RTN1: variants seen among roughly 807,000 people sequenced by gnomAD.
The protein encoded by RTN1 is reticulon 1, also known as reticulon-1.
A neutral mutation model predicts 65.5 loss-of-function variants in RTN1; 25 were observed. The observed-to-expected ratio is 0.38, with a 90% CI of 0.28 to 0.53. RTN1 has a LOEUF of 0.53. RTN1 is among the 20% of genes least tolerant of loss of function. The pLI is 0.79. For missense variants in RTN1, 983 were observed against 1,025.4 expected, an observed-to-expected ratio of 0.96 and a Z score of 0.57; for synonymous variants, 471 against 447.6, an observed-to-expected ratio of 1.05 and a Z score of -0.66.
rs757291850 is a variant in RTN1 at position 59,746,336 on chromosome 14, C to G, written c.387G>C (p.Lys129Asn). ...CTGAAATGGTGACGTGGCCATTTTC[C>G]TTCTGAAGAATTCCAGTAAAATATG... ...DSTYFTGILQ[K>N]ENGHVTISES... Residue 129 changes from lysine (K) to asparagine (N), a missense_variant, in exon 2 of 9, where the codon AAG (lysine) becomes AAC (asparagine). Lys to Asn is a moderately conservative substitution (Grantham distance 94). Around this residue, in one of 2 missense-constraint regions of RTN1, gnomAD observed 818 missense variants for 801.8 expected, o/e 1.02. Coordinates refer to ENST00000267484, the MANE Select transcript of RTN1 (RefSeq NM_021136.3). The G allele has an allele frequency of 3.1e-6, 5 of 1,614,162 alleles. No individual in the cohort carries two copies. Among genetic ancestry groups the G allele is most frequent in the Non-Finnish European group, 3.4e-6 (4 of 1,180,014 alleles).
rs1394512877 is a variant in RTN1 at position 59,868,202 on chromosome 14, T to A, written c.241+2188A>T. Among the ~76,000 whole-genome samples the A allele has an allele frequency of 6.6e-6, 1 of 152,170 alleles. No individual in the cohort carries two copies. The highest frequency in any genetic ancestry group is 1.5e-5 in the Non-Finnish European group (1 of 68,024). On this transcript the variant is annotated intron_variant, in intron 1 of 8. Transcript: ENST00000267484. The surrounding 1 kb of genome is among the most constrained non-coding windows in gnomAD (Gnocchi z 4.0). ...CGTTTGAGTCTCTTATAGCAGCACA[T>A]CCGGTCTACTTAATAAGAAACACAG...
At chr14:59,659,564 G>C (rs993916410) in intron 3 of RTN1, among the ~76,000 whole-genome samples, 5 of 152,328 alleles carry the variant, frequency 3.3e-5, no homozygotes, top group Admixed American at 6.5e-5. Context: ...CCACAAGCCA[G>C]AAGAGAGTGG....
intron 1 of RTN1, among the ~76,000 whole-genome samples, chr14:59,758,023 C>T (rs1217018701): frequency 6.6e-6 from 1 of 152,142 alleles, no homozygotes; most frequent in Non-Finnish European, 1.5e-5. Context: ...TTCCAGATTC[C>T]TGTGTTCTGC....
intron 3 of RTN1, among the ~76,000 whole-genome samples, chr14:59,667,988 T>C (rs1005675154): frequency 6.6e-6 from 1 of 152,160 alleles, no homozygotes; most frequent in Non-Finnish European, 1.5e-5. Flanking sequence ...TCCATGCTCA[T>C]GGATAGGAAG....
intron 3 of RTN1, among the ~76,000 whole-genome samples, chr14:59,617,426 A>G (rs187824266): frequency 4.3e-4 from 66 of 152,380 alleles, no homozygotes; most frequent in African/African-American, 1.4e-3. Context: ...ATCAAAGCCA[A>G]TTGAAAAAGC....
rs556897869 is a variant in RTN1, at chr14:59,640,973, C to T, written c.1766-33481G>A. Among the ~76,000 whole-genome samples, 15 of 152,160 alleles carry T rather than the reference C, an allele frequency of 9.9e-5. No homozygotes were observed. In the East Asian group the frequency reaches 2.9e-3, roughly 29 times the overall value. ...AGCTTATTTTCACTTTCCTTCCTTT[C>T]CTTCTGAGACAGGGTCTTGCCCTGT... On this transcript the variant is annotated intron_variant, in intron 3 of 8. Coordinates refer to ENST00000267484, the MANE Select transcript of RTN1 (RefSeq NM_021136.3).
At chr14:59,726,631 C>A (rs552594938) in intron 3 of RTN1, among the ~76,000 whole-genome samples, 2 of 152,230 alleles carry the variant, frequency 1.3e-5, no homozygotes, top group Non-Finnish European at 2.9e-5. Context: ...CAGGCGCATG[C>A]ACTCCATTTA....
rs1887887311 is a variant in RTN1, at chr14:59,870,674, G to C, written c.-44C>G. 2.3e-6 allele frequency: 3 copies of C among 1,322,186 alleles called. No individual in the cohort carries two copies. The highest frequency in any genetic ancestry group is 2.1e-5 in the South Asian group (1 of 47,576). The allele number at this position is 1,322,186 out of a possible 1,614,324, so 81.9% of individuals were successfully genotyped here. On this transcript the variant is annotated 5_prime_UTR_variant, in exon 1 of 9. Coordinates refer to ENST00000267484, the MANE Select transcript of RTN1 (RefSeq NM_021136.3). This position sits in a 1 kb window ranked among gnomAD's most constrained non-coding sequence, Gnocchi z 5.1. ...GCGGCGACGGCGGCTTGGCTGGGCA[G>C]AGGCTCGGTGGCTGCGCGGGCGCTC... is the stretch of plus-strand genomic sequence containing the variant.
rs201914035 is a variant in RTN1, at chr14:59,596,697, C to T, written c.*48G>A. The T allele has an allele frequency of 4.6e-5, 63 of 1,383,832 alleles. No individual in the cohort carries two copies. The East Asian group carries it at 1.2e-3, about 27-fold the overall frequency. The allele number at this position is 1,383,832 out of a possible 1,614,324, so 85.7% of individuals were successfully genotyped here. On this transcript the variant is annotated 3_prime_UTR_variant, in exon 9 of 9. Transcript: ENST00000267484. ...GTAATGAGTAAGAAGAGAGCTGTTA[C>T]CACTCCAGACATTCCTGTTTGTGTC...
Position 59,727,217 on chromosome 14 carries a change from C to T in RTN1, c.1467G>A (p.Pro489=), listed in dbSNP as rs753379321. 2.5e-6 allele frequency: 4 copies of T among 1,570,074 alleles called. No homozygotes were observed. Among genetic ancestry groups the T allele is most frequent in the South Asian group, 2.4e-5 (2 of 85,064 alleles). The change falls in exon 3 of 9, where the codon CCG becomes CCA. Residue 489 remains proline (P), a synonymous_variant. Transcript: ENST00000267484. The surrounding 1 kb of genome is among the most constrained non-coding windows in gnomAD (Gnocchi z 4.2). ...TGGCATCCAGGGCGCTGGGCTTCAT[C>T]GGGGGTGAGTCCTGCTCCCGCTTGG... ...ESPKREQDSP[P]MKPSALDAIR... is the part of the protein sequence containing the mutation.
chr14:59,729,646 A>G (rs1884858399), intron 2 of RTN1, among the ~76,000 whole-genome samples: 1 of 152,242 alleles, frequency 6.6e-6, no homozygotes, highest in Non-Finnish European at 1.5e-5. Context: ...CCTCCAGAGC[A>G]CTGCTAGTAG....
chr14:59,861,139 G>C (rs533331879), intron 1 of RTN1, among the ~76,000 whole-genome samples: 1 of 152,288 alleles, frequency 6.6e-6, no homozygotes, highest in African/African-American at 2.4e-5. Context: ...TGGTTTGGCT[G>C]TGTCCCCACC....
chr14:59,739,914 G>C (rs759449398), intron 2 of RTN1, among the ~76,000 whole-genome samples: 1 of 152,146 alleles, frequency 6.6e-6, no homozygotes, highest in Non-Finnish European at 1.5e-5. Context: ...AAACTGCTAG[G>C]ACTGAGGAAA....
chr14:59,778,468 C>G (rs1489879834), intron 1 of RTN1, among the ~76,000 whole-genome samples: 1 of 152,292 alleles, frequency 6.6e-6, no homozygotes, highest in South Asian at 2.1e-4. Flanking sequence ...AGTGATAGAG[C>G]TTGAGACCAT....
At chr14:59,809,849 T>G (rs1886697850) in intron 1 of RTN1, among the ~76,000 whole-genome samples, 1 of 152,136 alleles carries the variant, frequency 6.6e-6, no homozygotes, top group Admixed American at 6.6e-5. Context: ...CAGGCCGATT[T>G]TTGTGCTTTT....
chr14:59,797,383 G>T (rs528204823), intron 1 of RTN1, among the ~76,000 whole-genome samples: 4 of 152,300 alleles, frequency 2.6e-5, no homozygotes, highest in African/African-American at 7.2e-5. Context: ...AGCTTTGAAA[G>T]GAGTCAAAGT....
At chr14:59,630,639 G>A (rs1882525427) in intron 3 of RTN1, 1 of 1,351,390 alleles carries the variant, frequency 7.4e-7, no homozygotes, top group Non-Finnish European at 9.5e-7. Context: ...TGCACCAGGC[G>A]GCGCGCGGTG....
chr14:59,710,561 G>A (rs746997237), intron 3 of RTN1, among the ~76,000 whole-genome samples: 12 of 152,234 alleles, frequency 7.9e-5, no homozygotes, highest in Non-Finnish European at 1.5e-4. Flanking sequence ...TGTGACAGGT[G>A]AGCTTCACAC....
chr14:59,798,177 C>A (rs1886473403), intron 1 of RTN1, among the ~76,000 whole-genome samples: 1 of 152,102 alleles, frequency 6.6e-6, no homozygotes, highest in African/African-American at 2.4e-5. Context: ...TCATTTCTCT[C>A]CAATGAGGTC....
Sources: allele counts gnomAD v4.1 joint callset (sites outside exome capture counted in the v4.1 genomes callset), GRCh38; gene constraint gnomAD v4.1.1; regional missense constraint gnomAD v4.1.1; non-coding constraint Gnocchi (gnomAD v3.1); transcripts MANE v1.5; gene names NCBI Gene and HGNC (gene_info 2026-07-23, HGNC 2026-07-21).